WBP2NL: variants seen among roughly 807,000 people sequenced by gnomAD.
WBP2NL encodes postacrosomal sheath WW domain-binding protein.
In WBP2NL, 27 loss-of-function variants were observed where a neutral mutation model predicts 23.3. The observed-to-expected ratio is 1.16, with a 90% confidence interval of 0.85 to 1.60. The LOEUF (loss-of-function observed/expected upper bound fraction) is 1.60. Ranked by LOEUF, WBP2NL falls within the 40% of genes most tolerant of loss-of-function variation. WBP2NL has a pLI of 0.00. For missense variants in WBP2NL, 370 were observed against 389.5 expected (o/e 0.95, Z 0.42); for synonymous variants, 151 against 145.9 (o/e 1.03, Z -0.25).
rs1449906040 is a variant in WBP2NL, at chr22:42,018,346, G to A, written c.63-965G>A. Among the ~76,000 whole-genome samples, 6 of 145,078 alleles carry A rather than the reference G, an allele frequency of 4.1e-5. No homozygotes were observed. In the East Asian group the frequency reaches 9.9e-4, roughly 24 times the overall value. On this transcript the variant is annotated intron_variant, in intron 1 of 5. Transcript: ENST00000328823. ...AAAAAAAAAAGACAGAAGAAAGAGAGAGAGAGAAAAGAAAGGAAGGGAAGG... is the reference window on the plus strand; with the variant it reads ...AAAAAAAAAAGACAGAAGAAAGAGAAAGAGAGAAAAGAAAGGAAGGGAAGG...
chr22:42,008,980 C>T (rs188633912), intron 1 of WBP2NL, among the ~76,000 whole-genome samples: 25 of 152,194 alleles, frequency 1.6e-4, no homozygotes, highest in African/African-American at 4.6e-4. Context: ...GGGGTTTCAC[C>T]GTGTTAGCCA....
intron 1 of WBP2NL, among the ~76,000 whole-genome samples, chr22:42,015,209 C>A (rs541822838): frequency 2.6e-5 from 4 of 152,112 alleles, no homozygotes; most frequent in Non-Finnish European, 4.4e-5. Context: ...TTATTTGTGG[C>A]CACTGGAATC....
chr22:42,054,090 C>A (rs1925942379), intron 8 of WBP2NL, among the ~76,000 whole-genome samples: 3 of 152,024 alleles, frequency 2.0e-5, no homozygotes, highest in South Asian at 2.1e-4. Context: ...CTGTGCGGGG[C>A]CTCTTTTAAT....
At chr22:42,025,948 T>A (rs1041619701) in intron 5 of WBP2NL, among the ~76,000 whole-genome samples, 5 of 152,174 alleles carry the variant, frequency 3.3e-5, no homozygotes, top group African/African-American at 1.2e-4. Context: ...ACATTTCTTA[T>A]AATATTAAGT....
intron 5 of WBP2NL, among the ~76,000 whole-genome samples, chr22:42,023,322 G>A (rs192739830): frequency 6.6e-6 from 1 of 151,578 alleles, no homozygotes; most frequent in Non-Finnish European, 1.5e-5. Context: ...AACCAGAGTA[G>A]GCTAGGACCA....
At chr22:42,019,581 C>A in intron 2 of WBP2NL, 81 bp from the exon 3 acceptor site, 2 of 1,580,918 alleles carry the variant, frequency 1.3e-6, no homozygotes, top group South Asian at 2.3e-5. Context: ...CTCAGTTAGA[C>A]CAGAATGCAC....
In WBP2NL at chr22:42,041,142, C is replaced by T. The variant is rs533750920; in HGVS notation, c.*273+10319C>T. 5.3e-5 allele frequency among the ~76,000 whole-genome samples: 8 copies of T among 152,220 alleles called. No homozygotes were observed. The East Asian group carries it at 1.5e-3, about 29-fold the overall frequency. Reference sequence around the variant, plus strand: ...CTTCCTGTTGAATTGAAACTTTTATCATTATATGACTTTCTTTGTCCCTAG... The same window carrying T: ...CTTCCTGTTGAATTGAAACTTTTATTATTATATGACTTTCTTTGTCCCTAG... On this transcript the variant is annotated intron_variant and NMD_transcript_variant, in intron 8 of 8. Coordinates refer to the WBP2NL transcript ENST00000436265.
intron 1 of WBP2NL, among the ~76,000 whole-genome samples, chr22:42,015,394 C>T (rs1257840407): frequency 6.6e-6 from 1 of 152,026 alleles, no homozygotes; most frequent in African/African-American, 2.4e-5. Context: ...ACCTTCACTT[C>T]TTTTTGCATC....
chr22:42,020,062 AT>A lies in WBP2NL; in HGVS notation c.375del (p.Phe125LeufsTer4). Reference protein sequence around the residue: ...LVFRNGDAIEFAQLMVKAASA... With the variant: ...LVFRNGDAIEXAQLMVKAASA... ...TCTTCAGAAATGGAGATGCCATTGA[AT>A]TTGCCCAGTTGATGGTGAAAGCTGC... is the stretch of plus-strand genomic sequence containing the variant. On this transcript the variant is annotated frameshift_variant, in exon 4 of 6. Coordinates refer to ENST00000328823, the MANE Select transcript of WBP2NL (RefSeq NM_152613.3). LOFTEE classifies it high-confidence loss of function. The A allele has an allele frequency of 6.2e-7, 1 of 1,614,134 alleles. No homozygotes were observed. Among genetic ancestry groups the A allele is most frequent in the Middle Eastern group, 1.6e-4 (1 of 6,062 alleles).
intron 1 of WBP2NL, chr22:42,003,495 A>G (rs558677075): frequency 1.3e-5 from 2 of 152,340 alleles, no homozygotes; most frequent in South Asian, 4.1e-4. Context: ...GTCAGAGCAA[A>G]CTGCTGATAA....
intron 8 of WBP2NL, among the ~76,000 whole-genome samples, chr22:42,056,425 C>T (rs1457474894): frequency 6.6e-6 from 1 of 152,172 alleles, no homozygotes; most frequent in African/African-American, 2.4e-5. Flanking sequence ...AAATGAGTTA[C>T]AAACCAAAAT....
intron 8 of WBP2NL, among the ~76,000 whole-genome samples, chr22:42,049,700 CA>C (rs1569455123): frequency 8.2e-4 from 30 of 36,482 alleles, no homozygotes; most frequent in East Asian, 3.5e-3. Flanking sequence ...CAAAACAAAA[CA>C]AAACAAAAAA....
intron 8 of WBP2NL, among the ~76,000 whole-genome samples, chr22:42,039,886 G>A (rs530968805): frequency 1.4e-5 from 2 of 145,504 alleles, no homozygotes; most frequent in South Asian, 4.3e-4. Flanking sequence ...TCTTTTTCTA[G>A]TTTCTTGATT....
downstream of WBP2NL, chr22:42,031,849 C>T (rs1924969059): frequency 6.6e-6 from 1 of 152,100 alleles, no homozygotes; most frequent in Non-Finnish European, 1.5e-5. Context: ...GTGCCTGCCA[C>T]CATGCTCGGC....
intron 8 of WBP2NL, among the ~76,000 whole-genome samples, chr22:42,046,489 C>T (rs1346352840): frequency 6.6e-6 from 1 of 152,102 alleles, no homozygotes; most frequent in African/African-American, 2.4e-5. Flanking sequence ...TTTATTCTGC[C>T]ACATTTATTG....
At position 42,027,482 on chromosome 22, in the gene WBP2NL, A is replaced by G; in HGVS notation, c.*301A>G. 2.8e-6 allele frequency: 1 copy of G among 359,390 alleles called. No homozygotes were observed. The highest frequency in any genetic ancestry group is 5.0e-6 in the Non-Finnish European group (1 of 200,402). 22.3% of individuals were successfully genotyped at this position (359,390 alleles called of 1,614,324 possible). On this transcript the variant is annotated 3_prime_UTR_variant, in exon 6 of 6. Coordinates refer to ENST00000328823, the MANE Select transcript of WBP2NL (RefSeq NM_152613.3). ...CATAACTTTTTCCACACTCGCATTC[A>G]AGGTTCCTGTCTTCCCATCCTCATT...
chr22:42,023,351 C>T (rs1043226998), intron 5 of WBP2NL, among the ~76,000 whole-genome samples: 1 of 152,080 alleles, frequency 6.6e-6, no homozygotes, highest in Non-Finnish European at 1.5e-5. Flanking sequence ...ATCCACCATG[C>T]CCGGCTAATT....
intron 1 of WBP2NL, among the ~76,000 whole-genome samples, chr22:42,008,832 G>A (rs1922541937): frequency 6.6e-6 from 1 of 151,876 alleles, no homozygotes; most frequent in Non-Finnish European, 1.5e-5. Context: ...AGGCTGGAGT[G>A]CAGTGGCACG....
In WBP2NL at chr22:41,998,881, G is replaced by A; in HGVS notation, c.62+1G>A. The A allele has an allele frequency of 6.2e-7, 1 of 1,609,222 alleles. No individual in the cohort carries two copies. The highest frequency in any genetic ancestry group is 8.5e-7 in the Non-Finnish European group (1 of 1,176,690). ...GAGCCCTCATCCCTAACGGTGAAAGGTGCCTGAGGGGAAGCACGGCGTGCT... is the reference window on the plus strand; with the variant it reads ...GAGCCCTCATCCCTAACGGTGAAAGATGCCTGAGGGGAAGCACGGCGTGCT... On this transcript the variant is annotated splice_donor_variant, in intron 1 of 5. Coordinates refer to ENST00000328823, the MANE Select transcript of WBP2NL (RefSeq NM_152613.3). LOFTEE classifies it high-confidence loss of function.
Sources: gnomAD v4.1 joint callset for allele counts (sites outside exome capture counted in the v4.1 genomes callset) on GRCh38, gnomAD v4.1.1 for gene constraint, MANE v1.5 for transcripts, NCBI Gene and HGNC (gene_info 2026-07-23, HGNC 2026-07-21) for gene names.